C16orf46: variants seen among roughly 807,000 people sequenced by gnomAD.
The protein encoded by C16orf46 is chromosome 16 open reading frame 46.
Under a neutral mutation model 5.5 loss-of-function variants are expected in C16orf46, and 7 were observed. The observed-to-expected ratio is 1.28, with a 90% CI of 0.73 to 2.40. The LOEUF is 2.40. Ranked by LOEUF, C16orf46 falls within the 30% of genes most tolerant of loss-of-function variation. The pLI is 0.00. For missense variants in C16orf46, 614 were observed against 476.0 expected (o/e 1.29, Z -2.70); for synonymous variants, 200 against 184.1 (o/e 1.09, Z -0.70).
intron 3 of C16orf46, 73 bp downstream of exon 3, chr16:81,063,673 T>G (rs804890): frequency 1.5e-6 from 2 of 1,308,018 alleles, no homozygotes; most frequent in Non-Finnish European, 2.1e-6. Flanking sequence ...TAACTATTTT[T>G]GGGAAAAAGA....
At chr16:81,054,728 A>C (rs1971246186) in intron 3 of C16orf46, among the ~76,000 whole-genome samples, 1 of 152,062 alleles carries the variant, frequency 6.6e-6, no homozygotes, top group Non-Finnish European at 1.5e-5. Context: ...GGCTCACTGC[A>C]AACTCCACCT....
Position 81,062,061 on chromosome 16 carries a change from T to G in C16orf46, c.288A>C (p.Glu96Asp). 1.2e-6 allele frequency: 2 copies of G among 1,612,652 alleles called. No individual in the cohort carries two copies. Among genetic ancestry groups the G allele is most frequent in the East Asian group, 4.5e-5 (2 of 44,872 alleles). Residue 96 changes from glutamate (E) to aspartate (D), a missense_variant, in exon 4 of 4, where the codon GAA becomes GAC. Glu to Asp is a conservative substitution (Grantham distance 45). Coordinates refer to ENST00000299578, the MANE Select transcript of C16orf46 (RefSeq NM_152337.3). ...RKIPKKARVGEGACSDCLVCV... is the reference protein window; with the variant it reads ...RKIPKKARVGDGACSDCLVCV... ...ACACCAAGCAGTCGCTGCAGGCACC[T>G]TCCCCTACCCTCGCCTTTTTTGGTA...
At chr16:81,063,623 G>C (rs1268239894) in intron 3 of C16orf46, 123 bp downstream of exon 3, 1 of 791,116 alleles carries the variant, frequency 1.3e-6, no homozygotes, top group Non-Finnish European at 2.0e-6. Context: ...TCAATTCCAG[G>C]GTTTCTACAT....
At chr16:81,059,719 A>G (rs889557993), downstream of C16orf46, among the ~76,000 whole-genome samples, 2 of 152,144 alleles carry the variant, frequency 1.3e-5, no homozygotes. Flanking sequence ...TCCAAACATT[A>G]GATGCAAAGT....
intron 1 of C16orf46, among the ~76,000 whole-genome samples, chr16:81,068,173 C>T (rs771606043): frequency 3.3e-5 from 5 of 152,084 alleles, no homozygotes; most frequent in East Asian, 3.9e-4. Context: ...GTTATACGTC[C>T]GGCAAAGTTA....
chr16:81,068,569 T>TTTA (rs1971731017), intron 1 of C16orf46, among the ~76,000 whole-genome samples: 1 of 148,786 alleles, frequency 6.7e-6, no homozygotes, highest in African/African-American at 2.5e-5. Context: ...CTTTGTATTT[T>TTTA]TTTTTTTTTT....
At chr16:81,065,274 C>T (rs1971619771) in intron 2 of C16orf46, among the ~76,000 whole-genome samples, 1 of 152,130 alleles carries the variant, frequency 6.6e-6, no homozygotes, top group South Asian at 2.1e-4. Flanking sequence ...GGTGTTGAGA[C>T]CAGCCTGACC....
At chr16:81,054,785 A>T (rs1222400770) in intron 3 of C16orf46, among the ~76,000 whole-genome samples, 1 of 151,802 alleles carries the variant, frequency 6.6e-6, no homozygotes, top group Non-Finnish European at 1.5e-5. Context: ...AGTAGCTGGG[A>T]TTACAGGCAC....
chr16:81,061,755 G>A lies in C16orf46; in HGVS notation c.594C>T (p.Ser198=). The A allele has an allele frequency of 1.2e-6, 2 of 1,613,834 alleles. No homozygotes were observed. Among genetic ancestry groups the A allele is most frequent in the Non-Finnish European group, 1.7e-6 (2 of 1,179,906 alleles). ...CCCTGGAAGTCAGGGGGCCTGGGAT[G>A]GACAGCCCTCTGTGGGCCCCTCCAC... is the stretch of plus-strand genomic sequence containing the variant. The part of the protein sequence containing the change: ...NPSGGAHRGL[S]IPGPLTSRAL... The change falls in exon 4 of 4, where the codon TCC becomes TCT. Residue 198 remains serine, a synonymous_variant. Coordinates refer to ENST00000299578, the MANE Select transcript of C16orf46 (RefSeq NM_152337.3).
intron 1 of C16orf46, among the ~76,000 whole-genome samples, chr16:81,070,492 C>CT (rs1036586355): frequency 2.6e-5 from 4 of 152,078 alleles, no homozygotes; most frequent in African/African-American, 7.2e-5. Flanking sequence ...ATACACCCCC[C>CT]CAAACATGGC....
chr16:81,064,299 G>T (rs994206905), intron 2 of C16orf46, among the ~76,000 whole-genome samples: 1 of 151,476 alleles, frequency 6.6e-6, no homozygotes, highest in African/African-American at 2.4e-5. Flanking sequence ...AGGAAGCAGA[G>T]GTTTCAGTGA....
chr16:81,070,873 T>G (rs1461470436), intron 1 of C16orf46, among the ~76,000 whole-genome samples: 1 of 152,090 alleles, frequency 6.6e-6, no homozygotes, highest in African/African-American at 2.4e-5. Flanking sequence ...TAACTTATAG[T>G]CATGTATAGT....
intron 3 of C16orf46, among the ~76,000 whole-genome samples, chr16:81,062,603 C>T (rs374548619): frequency 6.6e-6 from 1 of 152,144 alleles, no homozygotes; most frequent in Non-Finnish European, 1.5e-5. Flanking sequence ...CTTCCCTTAC[C>T]TGGGGAACAC....
intron 1 of C16orf46, among the ~76,000 whole-genome samples, chr16:81,068,389 G>A (rs189648996): frequency 1.2e-3 from 189 of 152,190 alleles, no homozygotes; most frequent in African/African-American, 4.3e-3. Context: ...AACAATGAAC[G>A]TATCTCCTAT....
chr16:81,059,652 G>A (rs1597137564), downstream of C16orf46, among the ~76,000 whole-genome samples: 1 of 152,202 alleles, frequency 6.6e-6, no homozygotes, highest in East Asian at 1.9e-4. Flanking sequence ...GAGGGTGGAG[G>A]AAGGACAGAG....
intron 1 of C16orf46, among the ~76,000 whole-genome samples, chr16:81,070,135 AC>A (rs554132976): frequency 1.1e-3 from 165 of 152,262 alleles, no homozygotes; most frequent in African/African-American, 3.9e-3. Context: ...AAAAAAAAAA[AC>A]AAACCTTTTT....
chr16:81,071,274 C>G (rs529168887), intron 1 of C16orf46, among the ~76,000 whole-genome samples: 4 of 152,316 alleles, frequency 2.6e-5, no homozygotes, highest in Admixed American at 1.3e-4. Flanking sequence ...CCAAGTGGCC[C>G]AGTCAAACGT....
At chr16:81,054,231 T>C (rs1971230627) in intron 3 of C16orf46, 1 of 547,600 alleles carries the variant, frequency 1.8e-6, no homozygotes, top group Non-Finnish European at 3.1e-6. Flanking sequence ...TTTTCCTTGG[T>C]AGATGAAACT....
chr16:81,068,264 T>C (rs804898), intron 1 of C16orf46, among the ~76,000 whole-genome samples: 146,929 of 152,322 alleles, frequency 0.96, 71,075 homozygotes, highest in Middle Eastern at 1. Context: ...GGTTAAGCTA[T>C]CACAGTCAAC....
Sources: allele counts gnomAD v4.1 joint callset (sites outside exome capture counted in the v4.1 genomes callset), GRCh38; gene constraint gnomAD v4.1.1; transcripts MANE v1.5; gene names NCBI Gene and HGNC (gene_info 2026-07-23, HGNC 2026-07-21).